The following CAMLG variants were observed in gnomAD, a reference collection of about 807,000 sequenced individuals.
The protein encoded by CAMLG is calcium modulating ligand.
A neutral mutation model predicts 28.9 loss-of-function variants in CAMLG; 23 were observed. The ratio of observed to expected loss-of-function variants is 0.80; its 90% CI spans 0.57 to 1.13. CAMLG has a LOEUF of 1.13. CAMLG is among the 50% of genes most tolerant of loss of function. The pLI, the probability that CAMLG is intolerant of heterozygous loss-of-function variation, is 0.00. For synonymous variants in CAMLG, 141 were observed against 146.5 expected, an observed-to-expected ratio of 0.96 and a Z score of 0.27; for missense variants, 367 against 371.9, an observed-to-expected ratio of 0.99 and a Z score of 0.11.
chr5:134,741,749 C>T (rs961304569), intron 2 of CAMLG, among the ~76,000 whole-genome samples: 4 of 152,182 alleles, frequency 2.6e-5, no homozygotes, highest in Admixed American at 6.6e-5. Flanking sequence ...TCAGTTGGTT[C>T]TGCACCCTAT....
Position 134,741,491 on chromosome 5 carries a change from C to T in CAMLG, c.601C>T (p.Leu201Phe). Residue 201 changes from leucine to phenylalanine, a missense_variant, in exon 2 of 4, where the codon CTT (leucine) becomes TTT (phenylalanine). Leu to Phe is a conservative substitution (Grantham distance 22). Coordinates refer to ENST00000297156, the MANE Select transcript of CAMLG (RefSeq NM_001745.4). ...FRLVGCALLA[L>F]GVRAFVCKYL... ...ATTGGTGGGATGTGCTCTTCTTGCTCTTGGAGTCAGAGCTTTTGTTTGCAA... is the reference window on the plus strand; with the variant it reads ...ATTGGTGGGATGTGCTCTTCTTGCTTTTGGAGTCAGAGCTTTTGTTTGCAA... 2 of 1,611,622 alleles carry T rather than the reference C, an allele frequency of 1.2e-6. No individual in the cohort carries two copies. Among genetic ancestry groups the T allele is most frequent in the Non-Finnish European group, 8.5e-7 (1 of 1,178,212 alleles).
At chr5:134,743,166 C>T (rs187253848) in intron 2 of CAMLG, among the ~76,000 whole-genome samples, 68 of 152,256 alleles carry the variant, frequency 4.5e-4, no homozygotes, top group Non-Finnish European at 7.6e-4. Context: ...AAGAATGCCA[C>T]GTATTTTGAG....
At chr5:134,749,217 G>A (rs965304068) in intron 3 of CAMLG, among the ~76,000 whole-genome samples, 10 of 151,930 alleles carry the variant, frequency 6.6e-5, no homozygotes, top group African/African-American at 9.7e-5. Flanking sequence ...ACAGGCATGT[G>A]CCACCACGCC....
At chr5:134,743,936 G>A (rs1753014609) in intron 2 of CAMLG, 51 bp from the exon 3 acceptor site, 2 of 801,918 alleles carry the variant, frequency 2.5e-6, no homozygotes, top group East Asian at 5.2e-5. Flanking sequence ...GATTTATTGT[G>A]ATTTGAATGA....
chr5:134,745,273 T>TA (rs1280834494), intron 3 of CAMLG, among the ~76,000 whole-genome samples: 1 of 150,516 alleles, frequency 6.6e-6, no homozygotes, highest in Non-Finnish European at 1.5e-5. Context: ...CCATCTCTAC[T>TA]AAAAATACAA....
At position 134,751,408 on chromosome 5, in the gene CAMLG, T is replaced by A. The variant is rs1753112342; in HGVS notation, c.*458T>A. On this transcript the variant is annotated 3_prime_UTR_variant, in exon 4 of 4. Transcript: ENST00000297156. ...TAATGTTAACTCTGCACATTGTAACTTTTCTTGTTGAGTTAGTATCTTAAT... is the reference window on the plus strand; with the variant it reads ...TAATGTTAACTCTGCACATTGTAACATTTCTTGTTGAGTTAGTATCTTAAT... 2 of 152,486 alleles carry A rather than the reference T, an allele frequency of 1.3e-5. No homozygotes were observed. The highest frequency in any genetic ancestry group is 4.8e-5 in the African/African-American group (2 of 41,470). 9.4% of individuals were successfully genotyped at this position (152,486 alleles called of 1,614,324 possible). A position where few individuals can be genotyped will look rare whatever the true frequency, so the allele number is the denominator to read the frequency against.
chr5:134,748,736 C>T (rs776996827), intron 3 of CAMLG, among the ~76,000 whole-genome samples: 1 of 152,150 alleles, frequency 6.6e-6, no homozygotes, highest in Non-Finnish European at 1.5e-5. Context: ...TCCCTATACC[C>T]CAAAGAACTT....
intron 3 of CAMLG, among the ~76,000 whole-genome samples, chr5:134,746,067 G>GGTGGAGGTT (rs1753044366): frequency 6.6e-6 from 1 of 151,098 alleles, no homozygotes; most frequent in Non-Finnish European, 1.5e-5. Context: ...GAACCCAGGA[G>GGTGGAGGTT]GTGGAGGTTG....
In CAMLG at chr5:134,738,731, C is replaced by G. The variant is rs201737362; in HGVS notation, c.111C>G (p.Leu37=). The G allele has an allele frequency of 2.9e-5, 46 of 1,614,014 alleles. No homozygotes were observed. The highest frequency in any genetic ancestry group is 4.2e-6 in the Non-Finnish European group (5 of 1,180,018). Residue 37 remains leucine, a synonymous_variant, in exon 1 of 4, where the codon CTC becomes CTG. Transcript: ENST00000297156. ...RRAELRRRKL[L]MNSEQRINRI... The stretch of plus-strand genomic sequence containing the variant: ...CGGAGCTGCGTCGGAGAAAGCTGCT[C>G]ATGAACTCGGAACAGCGCATCAACC...
chr5:134,747,181 A>G (rs1222611039), intron 3 of CAMLG, among the ~76,000 whole-genome samples: 3 of 152,180 alleles, frequency 2.0e-5, no homozygotes, highest in Admixed American at 2.0e-4. Context: ...ATCTTATTAT[A>G]TTATGTATCT....
At chr5:134,746,166 G>T (rs979701065) in intron 3 of CAMLG, among the ~76,000 whole-genome samples, 5 of 147,200 alleles carry the variant, frequency 3.4e-5, no homozygotes, top group African/African-American at 5.0e-5. Context: ...AAATTATAAC[G>T]TATCTATTCA....
chr5:134,744,305 C>T (rs531864743), intron 3 of CAMLG, among the ~76,000 whole-genome samples: 2 of 152,066 alleles, frequency 1.3e-5, no homozygotes, highest in Non-Finnish European at 2.9e-5. Context: ...GGGTGGATCA[C>T]CTGAGGTCAG....
intron 3 of CAMLG, among the ~76,000 whole-genome samples, chr5:134,747,550 G>C (rs138778259): frequency 6.6e-6 from 1 of 151,754 alleles, no homozygotes; most frequent in African/African-American, 2.4e-5. Context: ...GTTTCACCGT[G>C]TTAGCCAGGA....
In CAMLG at chr5:134,751,256, C is replaced by G; in HGVS notation, c.*306C>G. 4.4e-6 allele frequency: 1 copy of G among 227,726 alleles called. No homozygotes were observed. The highest frequency in any genetic ancestry group is 8.7e-6 in the Non-Finnish European group (1 of 114,936). 14.1% of individuals were successfully genotyped at this position (227,726 alleles called of 1,614,324 possible). On this transcript the variant is annotated 3_prime_UTR_variant, in exon 4 of 4. Coordinates refer to ENST00000297156, the MANE Select transcript of CAMLG (RefSeq NM_001745.4). ...TGTAATTCTTCTTTTGGGAGCTGAG[C>G]TAGTGCTTTTAGGAGAACAGATAAA...
chr5:134,747,637 T>G (rs1753066054), intron 3 of CAMLG, among the ~76,000 whole-genome samples: 1 of 149,544 alleles, frequency 6.7e-6, no homozygotes. Context: ...TGAGCCACCA[T>G]GCTCGGCATT....
Position 134,738,657 on chromosome 5 carries a change from AGGCCGGG to A in CAMLG, c.40_46del (p.Pro14SerfsTer23). On this transcript the variant is annotated frameshift_variant, in exon 1 of 4. Coordinates refer to ENST00000297156, the MANE Select transcript of CAMLG (RefSeq NM_001745.4). LOFTEE classifies it high-confidence loss of function. ...GGCCGTCGCTACCGACGGCGGGGAG[AGGCCGGG>A]GGTCCCAGCGGGCTCAGGTCTGTCG... 1 of 1,612,646 alleles carries A rather than the reference AGGCCGGG, an allele frequency of 6.2e-7. No homozygotes were observed. Among genetic ancestry groups the A allele is most frequent in the South Asian group, 1.1e-5 (1 of 91,022 alleles).
intron 3 of CAMLG, 143 bp from the exon 4 acceptor site, chr5:134,750,616 T>G: frequency 1.7e-6 from 1 of 578,520 alleles, no homozygotes; most frequent in African/African-American, 1.9e-5. Flanking sequence ...CAGTAAATGT[T>G]GGTATCTTAC....
At chr5:134,750,702 G>A in intron 3 of CAMLG, 57 bp from the exon 4 acceptor site, 2 of 1,219,718 alleles carry the variant, frequency 1.6e-6, no homozygotes, top group Non-Finnish European at 1.2e-6. Flanking sequence ...TGTTTGTATA[G>A]AGCTTAATGT....
At position 134,741,521 on chromosome 5, in the gene CAMLG, T is replaced by C; in HGVS notation, c.631T>C (p.Leu211=). 6.3e-7 allele frequency: 1 copy of C among 1,583,102 alleles called. No individual in the cohort carries two copies. Among genetic ancestry groups the C allele is most frequent in the Non-Finnish European group, 8.6e-7 (1 of 1,157,152 alleles). The change falls in exon 2 of 4, where the codon TTG becomes CTG. Residue 211 remains leucine, a splice_region_variant and synonymous_variant. Coordinates refer to ENST00000297156, the MANE Select transcript of CAMLG (RefSeq NM_001745.4). ...LGVRAFVCKY[L]SIFAPFLTLQ... ...AGTCAGAGCTTTTGTTTGCAAATAC[T>C]TGGTAAGAAAAGATCTGTAAATTAT...
Sources: allele counts gnomAD v4.1 joint callset (sites outside exome capture counted in the v4.1 genomes callset), GRCh38; gene constraint gnomAD v4.1.1; transcripts MANE v1.5; gene names NCBI Gene and HGNC (gene_info 2026-07-23, HGNC 2026-07-21).